The following PPFIA2 variants were observed in gnomAD, a reference collection of about 807,000 sequenced individuals.
The protein encoded by PPFIA2 is liprin-alpha-2.
Under a neutral mutation model 175.5 loss-of-function variants are expected in PPFIA2, and 46 were observed. The observed-to-expected ratio is 0.26, with a 90% CI of 0.21 to 0.34. The LOEUF (loss-of-function observed/expected upper bound fraction) is 0.34. PPFIA2 is among the 10% of genes least tolerant of loss of function. The pLI, the probability that PPFIA2 is intolerant of heterozygous loss-of-function variation, is 1.00. For synonymous variants in PPFIA2, 568 were observed against 511.4 expected, an observed-to-expected ratio of 1.11 and a Z score of -1.49; for missense variants, 1,179 against 1,506.1, an observed-to-expected ratio of 0.78 and a Z score of 3.60.
intron 28 of PPFIA2, among the ~76,000 whole-genome samples, chr12:81,274,753 A>G (rs1310918009): frequency 6.6e-6 from 1 of 152,246 alleles, no homozygotes; most frequent in Non-Finnish European, 1.5e-5. Context: ...TTCAGATAAT[A>G]AGAGACCCCT....
chr12:81,709,070 G>A (rs985896819), intron 3 of PPFIA2, among the ~76,000 whole-genome samples: 1 of 151,890 alleles, frequency 6.6e-6, no homozygotes, highest in African/African-American at 2.4e-5. Flanking sequence ...CAGAGCCATC[G>A]GACTGCCAAT....
chr12:81,561,878 C>T (rs1290542275), intron 4 of PPFIA2, among the ~76,000 whole-genome samples: 2 of 152,168 alleles, frequency 1.3e-5, no homozygotes, highest in Admixed American at 1.3e-4. Flanking sequence ...CATTGAATAG[C>T]TTATTATCTT....
At chr12:81,364,863 T>TGAAA (rs921603220) in intron 14 of PPFIA2, among the ~76,000 whole-genome samples, 1 of 151,758 alleles carries the variant, frequency 6.6e-6, no homozygotes, top group Non-Finnish European at 1.5e-5. Flanking sequence ...CCTGAGTAAC[T>TGAAA]GAAAGAAAGA....
intron 3 of PPFIA2, among the ~76,000 whole-genome samples, chr12:81,703,621 C>T (rs1219177265): frequency 1.3e-5 from 2 of 152,040 alleles, no homozygotes; most frequent in Non-Finnish European, 2.9e-5. Flanking sequence ...TGGATCATGC[C>T]CTTCATTACT....
At chr12:81,298,674 G>C (rs1555231496) in intron 23 of PPFIA2, among the ~76,000 whole-genome samples, 1 of 152,172 alleles carries the variant, frequency 6.6e-6, no homozygotes. Context: ...GTCAAGGTCA[G>C]TTTCTGCTGC....
chr12:81,433,025 TA>T (rs56038834), intron 7 of PPFIA2, among the ~76,000 whole-genome samples: 15 of 147,728 alleles, frequency 1.0e-4, no homozygotes, highest in African/African-American at 2.5e-4. Context: ...TAACAAAAAT[TA>T]AAAAAAAAAC....
At chr12:81,435,608 C>G (rs1302434536) in intron 7 of PPFIA2, among the ~76,000 whole-genome samples, 3 of 151,372 alleles carry the variant, frequency 2.0e-5, no homozygotes, top group Non-Finnish European at 4.4e-5. Context: ...GAAAGAGACT[C>G]TATATATAAT....
chr12:81,562,478 T>C (rs896214244), intron 4 of PPFIA2, among the ~76,000 whole-genome samples: 1 of 152,170 alleles, frequency 6.6e-6, no homozygotes, highest in Non-Finnish European at 1.5e-5. Context: ...TGAAAACTTA[T>C]ATAGTTAGAA....
At chr12:81,445,954 A>G (rs536417586) in intron 5 of PPFIA2, among the ~76,000 whole-genome samples, 3 of 152,342 alleles carry the variant, frequency 2.0e-5, no homozygotes, top group Admixed American at 2.0e-4. Context: ...AATGTAATGC[A>G]AATGTAATGC....
At chr12:81,539,161 T>A (rs1302181744) in intron 4 of PPFIA2, among the ~76,000 whole-genome samples, 1 of 151,894 alleles carries the variant, frequency 6.6e-6, no homozygotes, top group Non-Finnish European at 1.5e-5. Context: ...GGGGAGCAGT[T>A]GAGAGATGAA....
At chr12:81,362,665 T>G in intron 15 of PPFIA2, 28 bp downstream of exon 15, 1 of 1,443,396 alleles carries the variant, frequency 6.9e-7, no homozygotes, top group Non-Finnish European at 9.5e-7. Context: ...TTCAGTGAAT[T>G]ATAGATAAGC....
intron 4 of PPFIA2, among the ~76,000 whole-genome samples, chr12:81,529,905 A>AC (rs1283034560): frequency 1.3e-5 from 2 of 152,002 alleles, no homozygotes; most frequent in Non-Finnish European, 2.9e-5. Flanking sequence ...AACAATCTGT[A>AC]CAAAAAAAAC....
At chr12:81,614,180 A>C (rs1414212042) in intron 4 of PPFIA2, among the ~76,000 whole-genome samples, 1 of 152,152 alleles carries the variant, frequency 6.6e-6, no homozygotes, top group Non-Finnish European at 1.5e-5. Context: ...ATGCACACAC[A>C]GTATGCTAAT....
chr12:81,754,995 T>C (rs185841887), intron 2 of PPFIA2, among the ~76,000 whole-genome samples: 52 of 152,340 alleles, frequency 3.4e-4, no homozygotes, highest in Non-Finnish European at 2.9e-4. Context: ...TACTCATCAT[T>C]ACACTTAATA....
chr12:81,487,459 G>GTA lies in PPFIA2; in HGVS notation c.304-29595_304-29594dup, dbSNP rs1305318556. The stretch of plus-strand genomic sequence containing the variant: ...ATGCTTAGACAAGTATGAGCACTTG[G>GTA]TAAGTGTTAACAATGAATTACTATT... On this transcript the variant is annotated intron_variant, in intron 4 of 32. Coordinates refer to ENST00000549396, the MANE Select transcript of PPFIA2 (RefSeq NM_003625.5). Among the ~76,000 whole-genome samples the GTA allele has an allele frequency of 1.1e-4, 17 of 151,892 alleles. No individual in the cohort carries two copies. In the East Asian group the frequency reaches 3.1e-3, roughly 28 times the overall value.
intron 22 of PPFIA2, among the ~76,000 whole-genome samples, chr12:81,314,498 A>T (rs1029042331): frequency 6.6e-6 from 1 of 151,922 alleles, no homozygotes; most frequent in Non-Finnish European, 1.5e-5. Context: ...AATGAATGAG[A>T]TCAGATCCAA....
At chr12:81,739,817 T>C (rs1241091745) in intron 3 of PPFIA2, among the ~76,000 whole-genome samples, 4 of 152,166 alleles carry the variant, frequency 2.6e-5, no homozygotes, top group Non-Finnish European at 5.9e-5. Context: ...CCTAAACAAT[T>C]TCTTCCAGGT....
chr12:81,398,460 C>T (rs564074327), intron 8 of PPFIA2, among the ~76,000 whole-genome samples: 32 of 151,636 alleles, frequency 2.1e-4, no homozygotes, highest in African/African-American at 6.8e-4. Flanking sequence ...TTTATGCTGC[C>T]TTTTCCCTCC....
At chr12:81,394,534 C>G (rs1233842950) in intron 8 of PPFIA2, among the ~76,000 whole-genome samples, 2 of 151,920 alleles carry the variant, frequency 1.3e-5, no homozygotes, top group Admixed American at 1.3e-4. Context: ...TGCCATCATT[C>G]TCAGCAAACT....
Sources: allele counts gnomAD v4.1 joint callset (sites outside exome capture counted in the v4.1 genomes callset), GRCh38; gene constraint gnomAD v4.1.1; transcripts MANE v1.5; gene names NCBI Gene and HGNC (gene_info 2026-07-23, HGNC 2026-07-21).